Variants in IL1RAPL2 observed in about 807,000 individuals in gnomAD.
IL1RAPL2 encodes the protein X-linked interleukin-1 receptor accessory protein-like 2.
In IL1RAPL2, 3 loss-of-function variants were observed where a neutral mutation model predicts 44.1. The ratio of observed to expected loss-of-function variants is 0.07; its 90% CI spans 0.03 to 0.18. The LOEUF is 0.18. Ranked by LOEUF, IL1RAPL2 falls within the 10% of genes least tolerant of loss-of-function variation. The pLI is 1.00. For missense variants in IL1RAPL2, 391 were observed against 496.4 expected, an observed-to-expected ratio of 0.79 and a Z score of 2.02; for synonymous variants, 181 against 178.8, an observed-to-expected ratio of 1.01 and a Z score of -0.10.
chrX:105,036,014 G>T (rs2031622622), intron 2 of IL1RAPL2, among the ~76,000 whole-genome samples: 1 of 111,481 alleles, frequency 9.0e-6, no homozygotes, highest in South Asian at 3.8e-4. Context: ...AGTCTACATG[G>T]TTCCCTCTAC....
intron 2 of IL1RAPL2, among the ~76,000 whole-genome samples, chrX:104,671,328 T>C (rs959628973): frequency 9.0e-6 from 1 of 111,513 alleles, no homozygotes; most frequent in African/African-American, 3.3e-5. Flanking sequence ...TTTATCATTC[T>C]GAAAAAAGAA....
chrX:105,449,516 G>A (rs913333402), intron 5 of IL1RAPL2, among the ~76,000 whole-genome samples: 7 of 108,501 alleles, frequency 6.5e-5, no homozygotes, highest in Admixed American at 4.9e-4. Flanking sequence ...CCCGGGAGGC[G>A]GAGCTTGCAG....
intron 2 of IL1RAPL2, among the ~76,000 whole-genome samples, chrX:105,021,370 A>T (rs1194042760): frequency 3.6e-5 from 4 of 111,361 alleles, no homozygotes; most frequent in Non-Finnish European, 3.8e-5. Context: ...TAAAAGAAGA[A>T]CGAAAAGAGA....
At chrX:105,617,012 A>G (rs1289356212) in intron 6 of IL1RAPL2, among the ~76,000 whole-genome samples, 4 of 110,286 alleles carry the variant, frequency 3.6e-5, no homozygotes, top group African/African-American at 1.3e-4. Context: ...CATACATAAA[A>G]TGGGGATAAT....
intron 2 of IL1RAPL2, among the ~76,000 whole-genome samples, chrX:104,923,025 C>G (rs1248167241): frequency 9.0e-6 from 1 of 111,054 alleles, no homozygotes; most frequent in Non-Finnish European, 1.9e-5. Flanking sequence ...GTTGGAGGCT[C>G]TAACAATAGA....
Position 105,717,377 on chromosome X carries a change from G to T in IL1RAPL2, c.783G>T (p.Leu261=). The T allele has an allele frequency of 8.4e-7, 1 of 1,196,976 alleles. No individual in the cohort carries two copies. The highest frequency in any genetic ancestry group is 1.8e-5 in the South Asian group (1 of 54,704). The change falls in exon 7 of 11, where the codon CTG becomes CTT. Residue 261 remains leucine, a synonymous_variant. Coordinates refer to ENST00000372582, the MANE Select transcript of IL1RAPL2 (RefSeq NM_017416.2). ...SVIDVQLGKP[L]NIPCKAFFGF... ...TTCTCTCATTCTCAGGTAAGCCTCT[G>T]AACATCCCCTGCAAAGCATTCTTCG...
In IL1RAPL2 at chrX:104,935,883, A is replaced by G. The variant is rs754371097; in HGVS notation, c.83-259592A>G. On this transcript the variant is annotated intron_variant, in intron 2 of 10. Coordinates refer to ENST00000372582, the MANE Select transcript of IL1RAPL2 (RefSeq NM_017416.2). ...CAGTCTACTAAGAGCAGAAAATTCT[A>G]AATTTAGGTGTCCTTGGCTCTGTTT... Among the ~76,000 whole-genome samples, 3 of 111,260 alleles carry G rather than the reference A, an allele frequency of 2.7e-5. No individual in the cohort carries two copies. The East Asian group carries it at 8.5e-4, about 32-fold the overall frequency.
intron 5 of IL1RAPL2, chrX:105,406,334 C>G: frequency 1.9e-6 from 2 of 1,061,302 alleles, no homozygotes; most frequent in Admixed American, 4.4e-5. Flanking sequence ...GAACTCCTTG[C>G]GTCATGGACA....
chrX:105,271,238 C>T (rs186716312), intron 5 of IL1RAPL2, among the ~76,000 whole-genome samples: 34 of 111,770 alleles, frequency 3.0e-4, no homozygotes, highest in African/African-American at 1.1e-3. Flanking sequence ...TTATATAAAT[C>T]GTAGCAGACT....
chrX:105,086,056 CTATA>C (rs1487864313), intron 2 of IL1RAPL2, among the ~76,000 whole-genome samples: 1 of 111,116 alleles, frequency 9.0e-6, no homozygotes, highest in Non-Finnish European at 1.9e-5. Flanking sequence ...AGGAACATCT[CTATA>C]TAAGTGAACC....
At chrX:104,625,317 A>C (rs1452551028) in intron 1 of IL1RAPL2, among the ~76,000 whole-genome samples, 1 of 111,704 alleles carries the variant, frequency 9.0e-6, no homozygotes, top group Non-Finnish European at 1.9e-5. Flanking sequence ...CAAAACAAAA[A>C]ATGAACAAGC....
chrX:104,627,101 G>A (rs1202089630), intron 1 of IL1RAPL2, among the ~76,000 whole-genome samples: 1 of 110,320 alleles, frequency 9.1e-6, no homozygotes, highest in African/African-American at 3.3e-5. Flanking sequence ...ACAGGCATGA[G>A]CCACCAGGAT....
rs986894165 is a variant in IL1RAPL2, at chrX:104,674,083, C to T, written c.82+15088C>T. 2.7e-5 allele frequency among the ~76,000 whole-genome samples: 3 copies of T among 111,305 alleles called. 1 individual carries two copies. The Admixed American group carries it at 2.9e-4, about 11-fold the overall frequency. ...ACTTCCTCTTTTCCTAATTAAATACCCTTTATTTCTTTCTCCTGCCTAATT... is the reference window on the plus strand; with the variant it reads ...ACTTCCTCTTTTCCTAATTAAATACTCTTTATTTCTTTCTCCTGCCTAATT... On this transcript the variant is annotated intron_variant, in intron 2 of 10. Coordinates refer to ENST00000372582, the MANE Select transcript of IL1RAPL2 (RefSeq NM_017416.2).
intron 2 of IL1RAPL2, among the ~76,000 whole-genome samples, chrX:105,010,389 A>G (rs1371762976): frequency 9.0e-6 from 1 of 111,143 alleles, no homozygotes; most frequent in Non-Finnish European, 1.9e-5. Flanking sequence ...TTACAGATAC[A>G]GTTTTGCTTT....
In IL1RAPL2 at chrX:105,298,103, C is replaced by T. The variant is rs1426318875; in HGVS notation, c.697+30562C>T. 5.4e-5 allele frequency among the ~76,000 whole-genome samples: 6 copies of T among 110,919 alleles called. No individual in the cohort carries two copies. In the Admixed American group the frequency reaches 5.8e-4, roughly 11 times the overall value. On this transcript the variant is annotated intron_variant, in intron 5 of 10. Coordinates refer to ENST00000372582, the MANE Select transcript of IL1RAPL2 (RefSeq NM_017416.2). ...ATAAAATCAAGCCAATTAACATATCCATCACCTCATATCCTTATCATTTTT... is the reference window on the plus strand; with the variant it reads ...ATAAAATCAAGCCAATTAACATATCTATCACCTCATATCCTTATCATTTTT...
At position 104,995,262 on chromosome X, in the gene IL1RAPL2, C is replaced by T. The variant is rs779919660; in HGVS notation, c.83-200213C>T. Among the ~76,000 whole-genome samples, 8 of 111,073 alleles carry T rather than the reference C, an allele frequency of 7.2e-5. No individual in the cohort carries two copies. The Admixed American group carries it at 7.7e-4, about 11-fold the overall frequency. ...ACTCTTTGGTGTTTAATATAAGCAC[C>T]CTAAGAGCTGGGACTTTATCTGTTT... is the stretch of plus-strand genomic sequence containing the variant. On this transcript the variant is annotated intron_variant, in intron 2 of 10. Coordinates refer to ENST00000372582, the MANE Select transcript of IL1RAPL2 (RefSeq NM_017416.2).
At chrX:104,752,633 T>C (rs1042453020) in intron 2 of IL1RAPL2, among the ~76,000 whole-genome samples, 1 of 110,739 alleles carries the variant, frequency 9.0e-6, no homozygotes, top group Non-Finnish European at 1.9e-5. Context: ...TATAGTTCTT[T>C]CTAGGTATAC....
chrX:105,534,944 T>G (rs2036667067), intron 6 of IL1RAPL2, among the ~76,000 whole-genome samples: 1 of 111,725 alleles, frequency 9.0e-6, no homozygotes, highest in African/African-American at 3.3e-5. Context: ...GGAGAAAATA[T>G]TCATGACCTG....
chrX:105,002,331 G>C (rs994843558), intron 2 of IL1RAPL2, among the ~76,000 whole-genome samples: 38 of 111,165 alleles, frequency 3.4e-4, no homozygotes, highest in African/African-American at 1.1e-3. Flanking sequence ...GACAAAGAAG[G>C]AGAATGAAAA....
Sources: gnomAD v4.1 joint callset for allele counts (sites outside exome capture counted in the v4.1 genomes callset) on GRCh38, gnomAD v4.1.1 for gene constraint, MANE v1.5 for transcripts, NCBI Gene and HGNC (gene_info 2026-07-23, HGNC 2026-07-21) for gene names.